Variants in WWC1 observed in about 807,000 individuals in gnomAD.
The protein encoded by WWC1 is protein KIBRA.
WWC1 carries 55 observed loss-of-function variants against 138.4 expected under a neutral mutation model. The ratio of observed to expected loss-of-function variants is 0.40; its 90% CI spans 0.32 to 0.50. The LOEUF (loss-of-function observed/expected upper bound fraction) is 0.50, where lower values mean the gene tolerates loss of function less well. WWC1 is among the 20% of genes least tolerant of loss of function. The probability of loss-of-function intolerance (pLI) is 0.72; values close to 1 mark genes in which losing one functional copy is unlikely to be tolerated. For synonymous variants in WWC1, 524 were observed against 564.9 expected (o/e 0.93, Z 1.03); for missense variants, 1,226 against 1,420.4 (o/e 0.86, Z 2.20).
chr5:168,372,654 A>C (rs577323500), intron 2 of WWC1, among the ~76,000 whole-genome samples: 35 of 152,326 alleles, frequency 2.3e-4, no homozygotes, highest in African/African-American at 6.7e-4. Flanking sequence ...TTGACTACTT[A>C]AGACTCACAG....
chr5:168,453,992 T>C lies in WWC1; in HGVS notation c.2550T>C (p.Asn850=), dbSNP rs148648959. The C allele has an allele frequency of 0.011, 17,555 of 1,611,476 alleles. 132 individuals carry two copies. Among genetic ancestry groups the C allele is most frequent in the Non-Finnish European group, 0.013 (15,839 of 1,179,794 alleles). The change falls in exon 18 of 23, where the codon AAT becomes AAC. Residue 850 remains asparagine (N), a synonymous_variant. Coordinates refer to ENST00000265293, the MANE Select transcript of WWC1 (RefSeq NM_015238.3). ...DSWRYEETSE[N]EAVAEEEEEE... is the part of the protein sequence containing the mutation. ...GGAGGTATGAGGAGACCAGTGAGAA[T>C]GAGGCAGTAGCCGAGGAAGAGGAGG...
At chr5:168,392,056 A>C (rs1011616525) in intron 3 of WWC1, among the ~76,000 whole-genome samples, 2 of 152,048 alleles carry the variant, frequency 1.3e-5, no homozygotes, top group Non-Finnish European at 2.9e-5. Context: ...AGACCATCAG[A>C]TCTTTTCCTT....
intron 1 of WWC1, among the ~76,000 whole-genome samples, chr5:168,330,233 G>T (rs1772915529): frequency 6.6e-6 from 1 of 152,200 alleles, no homozygotes; most frequent in Admixed American, 6.5e-5. Context: ...CAATGCATTG[G>T]ACAGGAGGGT....
intron 5 of WWC1, among the ~76,000 whole-genome samples, chr5:168,404,448 G>A (rs771900194): frequency 1.3e-5 from 2 of 152,228 alleles, no homozygotes; most frequent in Non-Finnish European, 2.9e-5. Flanking sequence ...AGACATAAAC[G>A]GGGCTTTGTT....
intron 1 of WWC1, among the ~76,000 whole-genome samples, chr5:168,342,477 A>C (rs1372652462): frequency 2.0e-5 from 3 of 152,326 alleles, no homozygotes; most frequent in Non-Finnish European, 4.4e-5. Flanking sequence ...CCAGTGATAC[A>C]TGTATAGAAG....
chr5:168,395,002 A>G lies in WWC1; in HGVS notation c.434-2722A>G, dbSNP rs141055746. ...GCACTTCACAGTGATACTCCAGGGT[A>G]TAAGAATTAAAGCTCCTGGTGGCCT... On this transcript the variant is annotated intron_variant, in intron 3 of 22. Transcript: ENST00000265293. 1.7e-3 allele frequency among the ~76,000 whole-genome samples: 264 copies of G among 152,362 alleles called. 1 individual carries two copies. The highest frequency in any genetic ancestry group is 3.1e-3 in the East Asian group (16 of 5,190).
chr5:168,328,963 A>AC (rs979351611), intron 1 of WWC1, among the ~76,000 whole-genome samples: 8 of 152,094 alleles, frequency 5.3e-5, no homozygotes, highest in Non-Finnish European at 7.3e-5. Context: ...TCTGGGCTCC[A>AC]CCCCTCATCC....
At chr5:168,359,920 C>T (rs1775757829) in intron 1 of WWC1, among the ~76,000 whole-genome samples, 1 of 152,174 alleles carries the variant, frequency 6.6e-6, no homozygotes, top group Non-Finnish European at 1.5e-5. Flanking sequence ...GGACTCAAAG[C>T]TTGGCAATTC....
Position 168,465,780 on chromosome 5 carries a change from A to G in WWC1, c.3150+818A>G, listed in dbSNP as rs112806197. 9.2e-5 allele frequency among the ~76,000 whole-genome samples: 14 copies of G among 151,562 alleles called. 3 individuals carry two copies. The highest frequency in any genetic ancestry group is 3.4e-4 in the African/African-American group (14 of 41,308). Reference sequence around the variant, plus strand: ...ACCATGTTGCCCAGGCTGGTCTCGAACTCCTGGGCTCAAACATTCAACCTG... The same window carrying G: ...ACCATGTTGCCCAGGCTGGTCTCGAGCTCCTGGGCTCAAACATTCAACCTG... On this transcript the variant is annotated intron_variant, in intron 21 of 22. Transcript: ENST00000265293.
chr5:168,437,917 A>G (rs773549009), intron 15 of WWC1, among the ~76,000 whole-genome samples: 2 of 152,154 alleles, frequency 1.3e-5, no homozygotes, highest in Non-Finnish European at 2.9e-5. Flanking sequence ...CATGTCTTAC[A>G]TGCTTCTGTG....
intron 9 of WWC1, chr5:168,415,836 G>T (rs943940524): frequency 5.3e-5 from 7 of 132,992 alleles, no homozygotes; most frequent in Non-Finnish European, 1.1e-4. Flanking sequence ...GTGTGTGTGT[G>T]TGTGTGTGTG....
rs539027136 is a variant in WWC1, at chr5:168,339,311, A to T, written c.120-32113A>T. On this transcript the variant is annotated intron_variant, in intron 1 of 22. Transcript: ENST00000265293. ...GAGGGTGGGGTTCTGGGACCTGGGG[A>T]GGGAGGGAGCTCTTCCTTCCCCCTA... Among the ~76,000 whole-genome samples, 16 of 151,846 alleles carry T rather than the reference A, an allele frequency of 1.1e-4. 2 individuals carry two copies. The highest frequency in any genetic ancestry group is 3.4e-3 in the Middle Eastern group (1 of 294).
chr5:168,415,550 A>G (rs1488931268), intron 9 of WWC1: 1 of 152,166 alleles, frequency 6.6e-6, no homozygotes, highest in Non-Finnish European at 1.5e-5. Flanking sequence ...CTCCAGCTTC[A>G]TGTTCATTTA....
At position 168,408,550 on chromosome 5, in the gene WWC1, C is replaced by G. The variant is rs779666125; in HGVS notation, c.764C>G (p.Ser255Cys). 2.0e-5 allele frequency: 32 copies of G among 1,614,062 alleles called. No homozygotes were observed. Among genetic ancestry groups the G allele is most frequent in the Middle Eastern group, 1.6e-4 (1 of 6,084 alleles). The change falls in exon 7 of 23, where the codon TCT becomes TGT. Residue 255 changes from serine to cysteine, a missense_variant. This residue lies in a region of WWC1 where 1,016 missense variants were observed against 1,153.9 expected (regional missense o/e 0.88). Transcript: ENST00000265293. The part of the protein sequence containing the change: ...LKDGFRTDRG[S>C]HSDLWSSSSS... ...GACGGCTTCCGCACTGACAGGGGGT[C>G]TCACTCAGACCTGTGGTCCAGCAGC...
intron 17 of WWC1, among the ~76,000 whole-genome samples, chr5:168,446,312 A>G (rs1187815786): frequency 6.7e-6 from 1 of 150,164 alleles, no homozygotes; most frequent in East Asian, 2.0e-4. Flanking sequence ...CCGAAGAGAG[A>G]CTTTCTCCCT....
intron 3 of WWC1, 26 bp downstream of exon 3, chr5:168,385,440 C>A: frequency 3.7e-6 from 6 of 1,606,420 alleles, no homozygotes; most frequent in South Asian, 1.1e-5. Context: ...TACCACCACC[C>A]CCACCGACAC....
intron 17 of WWC1, among the ~76,000 whole-genome samples, chr5:168,449,638 A>G (rs1755616787): frequency 7.4e-6 from 1 of 134,876 alleles, no homozygotes; most frequent in African/African-American, 2.8e-5. Flanking sequence ...CAATGGTGCG[A>G]TCTCGGCTCA....
chr5:168,364,396 C>T (rs187803216), intron 1 of WWC1, among the ~76,000 whole-genome samples: 7 of 152,304 alleles, frequency 4.6e-5, no homozygotes, highest in East Asian at 1.9e-4. Flanking sequence ...ATACTGCTGA[C>T]GTAGCACCTT....
intron 1 of WWC1, among the ~76,000 whole-genome samples, chr5:168,317,799 G>A (rs1162329494): frequency 6.6e-6 from 1 of 152,174 alleles, no homozygotes; most frequent in Non-Finnish European, 1.5e-5. Flanking sequence ...CCTAGAATAT[G>A]TCCTTCCAGA....
Sources: allele counts gnomAD v4.1 joint callset (sites outside exome capture counted in the v4.1 genomes callset), GRCh38; gene constraint gnomAD v4.1.1; regional missense constraint gnomAD v4.1.1; transcripts MANE v1.5; gene names NCBI Gene and HGNC (gene_info 2026-07-23, HGNC 2026-07-21).